HECW1: variants seen among roughly 807,000 people sequenced by gnomAD.
HECW1 encodes the protein E3 ubiquitin-protein ligase HECW1.
HECW1 carries 61 observed loss-of-function variants against 182.3 expected under a neutral mutation model. The ratio of observed to expected loss-of-function variants is 0.33; its 90% CI spans 0.27 to 0.41. The LOEUF (loss-of-function observed/expected upper bound fraction) is 0.41, where lower values mean the gene tolerates loss of function less well. HECW1 is among the 10% of genes least tolerant of loss of function. The pLI is 1.00. For synonymous variants in HECW1, 859 were observed against 832.6 expected, an observed-to-expected ratio of 1.03 and a Z score of -0.55; for missense variants, 1,739 against 2,108.9, an observed-to-expected ratio of 0.82 and a Z score of 3.44.
In HECW1 at chr7:43,488,432, AAGAGAAAG is replaced by A. The variant is rs1169959681; in HGVS notation, c.3235-3641_3235-3634del. Among the ~76,000 whole-genome samples the A allele has an allele frequency of 7.5e-4, 31 of 41,084 alleles. No homozygotes were observed. In the East Asian group the frequency reaches 0.011, roughly 15 times the overall value. 27.0% of individuals were successfully genotyped at this position (41,084 alleles called of 152,430 possible). On this transcript the variant is annotated intron_variant, in intron 17 of 29. Transcript: ENST00000395891. ...AGAAAGAGAGAGAGAGAAAGAAAGA[AAGAGAAAG>A]AAAGAAAGAAAGAAAGAAAGAAAGA...
intron 5 of HECW1, among the ~76,000 whole-genome samples, chr7:43,322,250 G>A (rs182301039): frequency 4.6e-5 from 7 of 152,216 alleles, no homozygotes; most frequent in Admixed American, 3.3e-4. Flanking sequence ...AGTAGAGATG[G>A]GGTTTCAGAA....
At chr7:43,115,725 G>C (rs1583555700) in intron 2 of HECW1, among the ~76,000 whole-genome samples, 1 of 152,176 alleles carries the variant, frequency 6.6e-6, no homozygotes, top group African/African-American at 2.4e-5. Context: ...ATTTTCCGTA[G>C]TTGTGCACTC....
intron 3 of HECW1, among the ~76,000 whole-genome samples, chr7:43,270,883 C>T (rs1175924433): frequency 6.6e-6 from 1 of 151,864 alleles, no homozygotes; most frequent in Non-Finnish European, 1.5e-5. Flanking sequence ...TTATAAAGTA[C>T]CTAGAGATAA....
intron 2 of HECW1, among the ~76,000 whole-genome samples, chr7:43,157,455 C>A (rs888231555): frequency 5.9e-5 from 9 of 152,204 alleles, no homozygotes; most frequent in African/African-American, 2.2e-4. Context: ...CAGATACTTA[C>A]ATGAAAACCA....
chr7:43,147,600 T>G (rs1215754528), intron 2 of HECW1: 1 of 152,224 alleles, frequency 6.6e-6, no homozygotes, highest in Non-Finnish European at 1.5e-5. Context: ...ACAAAGAGTT[T>G]TTAAGAAAAC....
intron 2 of HECW1, among the ~76,000 whole-genome samples, chr7:43,159,234 G>A (rs966469659): frequency 5.3e-5 from 8 of 150,198 alleles, no homozygotes; most frequent in African/African-American, 2.0e-4. Flanking sequence ...TGCACAATGT[G>A]CAGGTTTGAT....
intron 2 of HECW1, 149 bp downstream of exon 2, chr7:43,114,540 C>T: frequency 1.5e-6 from 1 of 654,136 alleles, no homozygotes; most frequent in African/African-American, 1.9e-5. Flanking sequence ...GTAGAATTCC[C>T]TGTTGCCTGT....
At chr7:43,436,434 T>C (rs527545112) in intron 8 of HECW1, among the ~76,000 whole-genome samples, 1 of 152,176 alleles carries the variant, frequency 6.6e-6, no homozygotes, top group South Asian at 2.1e-4. Flanking sequence ...TTTAATCACC[T>C]GGGCGCAGGC....
chr7:43,327,781 C>T (rs1810980580), intron 5 of HECW1, among the ~76,000 whole-genome samples: 2 of 151,934 alleles, frequency 1.3e-5, no homozygotes, highest in African/African-American at 4.8e-5. Context: ...TAATTTTGTC[C>T]CTTTGAGGTT....
chr7:43,127,536 A>G (rs1389667726), intron 2 of HECW1, among the ~76,000 whole-genome samples: 2 of 151,440 alleles, frequency 1.3e-5, no homozygotes, highest in African/African-American at 2.4e-5. Context: ...AAAAAAAAAA[A>G]AAAAAAAAAA....
chr7:43,362,866 C>T (rs1304237344), intron 6 of HECW1, among the ~76,000 whole-genome samples: 1 of 152,262 alleles, frequency 6.6e-6, no homozygotes. Flanking sequence ...ACACAAGGAT[C>T]CCTTAGCAGG....
At position 43,247,934 on chromosome 7, in the gene HECW1, AG is replaced by A. The variant is rs1197817710; in HGVS notation, c.27+4003del. 1.4e-3 allele frequency among the ~76,000 whole-genome samples: 98 copies of A among 71,060 alleles called. 3 individuals carry two copies. The African/African-American group carries it at 0.016, about 12-fold the overall frequency. The allele number at this position is 71,060 out of a possible 152,430, so 46.6% of individuals were successfully genotyped here. A position where few individuals can be genotyped will look rare whatever the true frequency, so the allele number is the denominator to read the frequency against. The stretch of plus-strand genomic sequence containing the variant: ...GAGGGAGGAAGGGAAAGAGGAAAAA[AG>A]AGAGAGAAAAAAGGAGGGAAGGAAA... On this transcript the variant is annotated intron_variant, in intron 3 of 29. Coordinates refer to ENST00000395891, the MANE Select transcript of HECW1 (RefSeq NM_015052.5).
intron 24 of HECW1, among the ~76,000 whole-genome samples, chr7:43,520,853 G>A (rs185399067): frequency 1.8e-4 from 28 of 152,238 alleles, no homozygotes; most frequent in Middle Eastern, 6.8e-3. Flanking sequence ...TACTGTCTGC[G>A]TCTCTCCTTC....
Position 43,565,578 on chromosome 7 carries a change from T to C in HECW1, c.*3652T>C, listed in dbSNP as rs1408391300. The C allele has an allele frequency of 6.1e-6, 1 of 164,130 alleles. No homozygotes were observed. 10.2% of individuals were successfully genotyped at this position (164,130 alleles called of 1,614,324 possible). A position where few individuals can be genotyped will look rare whatever the true frequency, so the allele number is the denominator to read the frequency against. ...GGTGCTTTATTATTATTATTATTAT[T>C]ATTTTTATTATTATTATTATTACGT... On this transcript the variant is annotated 3_prime_UTR_variant, in exon 30 of 30. Transcript: ENST00000395891.
chr7:43,410,012 C>T (rs1229619426), intron 8 of HECW1, among the ~76,000 whole-genome samples: 1 of 152,190 alleles, frequency 6.6e-6, no homozygotes, highest in African/African-American at 2.4e-5. Context: ...GGCGGTGCCG[C>T]TGCTGAGTGA....
chr7:43,194,088 G>C (rs1200959568), intron 2 of HECW1, among the ~76,000 whole-genome samples: 1 of 152,138 alleles, frequency 6.6e-6, no homozygotes, highest in African/African-American at 2.4e-5. Context: ...CTCTTTTAAT[G>C]TTAATGCTGG....
At chr7:43,256,436 C>G (rs1471703917) in intron 3 of HECW1, among the ~76,000 whole-genome samples, 1 of 151,806 alleles carries the variant, frequency 6.6e-6, no homozygotes, top group Non-Finnish European at 1.5e-5. Flanking sequence ...ATGGTGAAAC[C>G]CTGTCGCTAC....
chr7:43,442,014 T>C (rs2076904317), intron 9 of HECW1, among the ~76,000 whole-genome samples: 1 of 152,206 alleles, frequency 6.6e-6, no homozygotes, highest in Non-Finnish European at 1.5e-5. Context: ...GATCTTTTCC[T>C]TGGCTAGCGA....
intron 2 of HECW1, among the ~76,000 whole-genome samples, chr7:43,214,036 T>C (rs1796236246): frequency 6.6e-6 from 1 of 152,108 alleles, no homozygotes; most frequent in African/African-American, 2.4e-5. Flanking sequence ...AAAGCTGTTT[T>C]CCCTACTGGT....
Sources: allele counts gnomAD v4.1 joint callset (sites outside exome capture counted in the v4.1 genomes callset), GRCh38; gene constraint gnomAD v4.1.1; transcripts MANE v1.5; gene names NCBI Gene and HGNC (gene_info 2026-07-23, HGNC 2026-07-21).